Variants in COLQ observed in about 807,000 individuals in gnomAD.
COLQ encodes the protein collagen like tail subunit of asymmetric acetylcholinesterase, also known as acetylcholinesterase collagenic tail peptide.
Under a neutral mutation model 69.0 loss-of-function variants are expected in COLQ, and 48 were observed. The ratio of observed to expected loss-of-function variants is 0.70; its 90% CI spans 0.55 to 0.88. The LOEUF (loss-of-function observed/expected upper bound fraction) is 0.88, where lower values mean the gene tolerates loss of function less well. Ranked by LOEUF, COLQ falls within the 40% of genes least tolerant of loss-of-function variation. The pLI, the probability that COLQ is intolerant of heterozygous loss-of-function variation, is 0.00. For missense variants in COLQ, 618 were observed against 594.6 expected, an observed-to-expected ratio of 1.04 and a Z score of -0.41; for synonymous variants, 217 against 211.2, an observed-to-expected ratio of 1.03 and a Z score of -0.24.
At chr3:15,456,855 C>A (rs140624510) in intron 13 of COLQ, among the ~76,000 whole-genome samples, 45 of 151,850 alleles carry the variant, frequency 3.0e-4, no homozygotes, top group Admixed American at 1.0e-3. Context: ...TGGAGTCTCA[C>A]GCGGTTGCCC....
chr3:15,475,355 T>A, intron 7 of COLQ, 70 bp downstream of exon 7: 2 of 1,432,720 alleles, frequency 1.4e-6, no homozygotes, highest in Admixed American at 2.0e-5. Flanking sequence ...CCAGTCCCTA[T>A]GTTTGTAGAC....
At chr3:15,463,251 C>T (rs1242500504) in intron 12 of COLQ, among the ~76,000 whole-genome samples, 1 of 142,066 alleles carries the variant, frequency 7.0e-6, no homozygotes, top group Non-Finnish European at 1.5e-5. Flanking sequence ...TAAGGATCTC[C>T]TACACATCCC....
intron 1 of COLQ, chr3:15,498,928 C>A: frequency 8.1e-7 from 1 of 1,232,060 alleles, no homozygotes. Flanking sequence ...AAATTGAGAG[C>A]AATCAAACAG....
intron 5 of COLQ, among the ~76,000 whole-genome samples, chr3:15,478,171 C>A (rs1237289226): frequency 6.6e-6 from 1 of 152,156 alleles, no homozygotes; most frequent in Non-Finnish European, 1.5e-5. Flanking sequence ...GCAGAATATC[C>A]TTTGACCATT....
intron 12 of COLQ, among the ~76,000 whole-genome samples, chr3:15,459,449 AT>A (rs1378441339): frequency 6.7e-6 from 1 of 150,016 alleles, no homozygotes; most frequent in Non-Finnish European, 1.5e-5. Flanking sequence ...ATTAAAAAAA[AT>A]TTTTTTACCA....
At chr3:15,508,900 C>T (rs549537595) in intron 1 of COLQ, among the ~76,000 whole-genome samples, 1 of 151,910 alleles carries the variant, frequency 6.6e-6, no homozygotes, top group South Asian at 2.1e-4. Flanking sequence ...TCTGTAATCC[C>T]AACAATTTGG....
chr3:15,487,524 C>A (rs2062594308), intron 3 of COLQ, among the ~76,000 whole-genome samples: 1 of 152,158 alleles, frequency 6.6e-6, no homozygotes, highest in African/African-American at 2.4e-5. Context: ...TTTTTACGCC[C>A]CCTGCATGGG....
intron 1 of COLQ, among the ~76,000 whole-genome samples, chr3:15,494,710 G>C (rs1386245097): frequency 6.6e-6 from 1 of 151,978 alleles, no homozygotes; most frequent in Non-Finnish European, 1.5e-5. Context: ...TTTTTCTCTG[G>C]GTTTACCCCT....
rs754017581 is a variant in COLQ at position 15,466,386 on chromosome 3, A to C, written c.769T>G (p.Ser257Ala). 5.0e-6 allele frequency: 8 copies of C among 1,614,136 alleles called. No homozygotes were observed. The South Asian group carries it at 8.8e-5, about 18-fold the overall frequency. The change falls in exon 12 of 17, where the codon TCT becomes GCT. Residue 257 changes from serine (S) to alanine (A), a missense_variant. Coordinates refer to ENST00000383788, the MANE Select transcript of COLQ (RefSeq NM_005677.4). ...GGCCCCGGACGGCCAGGTTGACCAG[A>C]AGGCCCAGGCTTGCCTGGTGGGCCC... ...VMGPPGKPGP[S>A]GQPGRPGPPG...
At chr3:15,515,450 T>C (rs187005317) in intron 1 of COLQ, among the ~76,000 whole-genome samples, 2 of 152,146 alleles carry the variant, frequency 1.3e-5, no homozygotes, top group East Asian at 3.9e-4. Flanking sequence ...AACAAGAGGC[T>C]TGTGGGAATC....
chr3:15,492,107 T>C (rs1306941624), intron 1 of COLQ, among the ~76,000 whole-genome samples: 1 of 152,080 alleles, frequency 6.6e-6, no homozygotes, highest in East Asian at 1.9e-4. Flanking sequence ...ACATTTTGAT[T>C]ATAAGTGGTC....
At chr3:15,501,516 G>A (rs971659466) in intron 1 of COLQ, among the ~76,000 whole-genome samples, 1 of 152,208 alleles carries the variant, frequency 6.6e-6, no homozygotes, top group Non-Finnish European at 1.5e-5. Flanking sequence ...CTTCACATCC[G>A]CTGTCCCATC....
chr3:15,454,438 G>A (rs1304730727), intron 15 of COLQ, among the ~76,000 whole-genome samples: 1 of 152,150 alleles, frequency 6.6e-6, no homozygotes, highest in African/African-American at 2.4e-5. Context: ...GGATCCCAGC[G>A]TTGTTTTCAC....
chr3:15,455,530 C>T (rs1352614840), intron 15 of COLQ, among the ~76,000 whole-genome samples: 1 of 152,196 alleles, frequency 6.6e-6, no homozygotes, highest in Admixed American at 6.5e-5. Context: ...TGGCCTCTCC[C>T]TTTTGCCTTT....
intron 5 of COLQ, among the ~76,000 whole-genome samples, chr3:15,478,141 G>T (rs1417274271): frequency 6.6e-6 from 1 of 152,150 alleles, no homozygotes; most frequent in African/African-American, 2.4e-5. Context: ...TCCTTGTTAG[G>T]CCTGAGCATG....
intron 3 of COLQ, among the ~76,000 whole-genome samples, chr3:15,479,849 A>G (rs950792542): frequency 1.3e-5 from 2 of 152,208 alleles, no homozygotes; most frequent in Non-Finnish European, 2.9e-5. Context: ...GGAAATTCCC[A>G]TGGTCAATTT....
chr3:15,498,849 T>C, intron 1 of COLQ: 1 of 1,411,916 alleles, frequency 7.1e-7, no homozygotes, highest in Non-Finnish European at 9.2e-7. Flanking sequence ...AGGACAAGAG[T>C]GCCTTCAGCC....
intron 3 of COLQ, among the ~76,000 whole-genome samples, chr3:15,481,471 A>T (rs2062482623): frequency 6.6e-6 from 1 of 152,228 alleles, no homozygotes; most frequent in Non-Finnish European, 1.5e-5. Flanking sequence ...TAAACAGGGA[A>T]TCCTTTCCCC....
intron 1 of COLQ, among the ~76,000 whole-genome samples, chr3:15,491,853 A>T (rs536425057): frequency 4.7e-4 from 72 of 152,194 alleles, no homozygotes; most frequent in African/African-American, 1.4e-3. Flanking sequence ...AGGTCAAGAG[A>T]TCGAGACCAT....
Sources: allele counts gnomAD v4.1 joint callset (sites outside exome capture counted in the v4.1 genomes callset), GRCh38; gene constraint gnomAD v4.1.1; transcripts MANE v1.5; gene names NCBI Gene and HGNC (gene_info 2026-07-23, HGNC 2026-07-21).